Variants in TRIO observed in about 807,000 individuals in gnomAD.
TRIO encodes the protein triple functional domain protein.
TRIO carries 58 observed loss-of-function variants against 351.9 expected under a neutral mutation model. The observed-to-expected ratio is 0.16, with a 90% CI of 0.13 to 0.21. The LOEUF is 0.21. Ranked by LOEUF, TRIO falls within the 10% of genes least tolerant of loss-of-function variation. TRIO has a pLI of 1.00. For synonymous variants in TRIO, 1,758 were observed against 1,595.7 expected, an observed-to-expected ratio of 1.10 and a Z score of -2.42; for missense variants, 3,201 against 4,027.8, an observed-to-expected ratio of 0.79 and a Z score of 5.56.
At chr5:14,255,874 A>T (rs1794996156) in intron 1 of TRIO, among the ~76,000 whole-genome samples, 1 of 152,216 alleles carries the variant, frequency 6.6e-6, no homozygotes, top group Admixed American at 6.5e-5. Flanking sequence ...TTTTCTGATT[A>T]GAGGTGTTCA....
chr5:14,438,776 C>T (rs1193021042), intron 34 of TRIO, among the ~76,000 whole-genome samples: 4 of 152,376 alleles, frequency 2.6e-5, no homozygotes, highest in Middle Eastern at 3.4e-3. Flanking sequence ...TACTCACCTC[C>T]GCATTTCCGC....
At chr5:14,149,514 T>C (rs1581232453) in intron 1 of TRIO, among the ~76,000 whole-genome samples, 1 of 152,130 alleles carries the variant, frequency 6.6e-6, no homozygotes, top group East Asian at 1.9e-4. Flanking sequence ...ACTAATCACC[T>C]GCCCCCCGGG....
In TRIO at chr5:14,409,867, G is replaced by T. The variant is rs573963639; in HGVS notation, c.4959+3195G>T. ...AAAAAAAAAAAAGAAATCCCTGAAG[G>T]GTCTCTCCTGCCAGTTCCACCATTG... On this transcript the variant is annotated intron_variant, in intron 33 of 56. Transcript: ENST00000344204. 3.3e-5 allele frequency among the ~76,000 whole-genome samples: 5 copies of T among 151,824 alleles called. No homozygotes were observed. The East Asian group carries it at 9.7e-4, about 29-fold the overall frequency.
intron 40 of TRIO, among the ~76,000 whole-genome samples, chr5:14,475,834 C>CG (rs3840117): frequency 0.59 from 89,536 of 152,100 alleles, 27,241 homozygotes; most frequent in East Asian, 0.81. Flanking sequence ...GTCTGCGCAG[C>CG]GGGGATAGTA....
In TRIO at chr5:14,487,788, C is replaced by G; in HGVS notation, c.7160C>G (p.Pro2387Arg). ...PPPGAAPEAG[P>R]SAPSRRPPGA... ...CCTGGCGCGGCCCCCGAGGCCGGCC[C>G]CAGCGCGCCCAGCAGGCGGCCCCCC... is the stretch of plus-strand genomic sequence containing the variant. Residue 2387 changes from proline (P) to arginine (R), a missense_variant, in exon 48 of 57, where the codon CCC becomes CGC. Pro to Arg is a moderately radical substitution (Grantham distance 103). Transcript: ENST00000344204. 2.2e-6 allele frequency: 3 copies of G among 1,382,708 alleles called. No homozygotes were observed. The highest frequency in any genetic ancestry group is 1.9e-6 in the Non-Finnish European group (2 of 1,067,184). 85.7% of individuals were successfully genotyped at this position (1,382,708 alleles called of 1,614,324 possible). A position where few individuals can be genotyped will look rare whatever the true frequency, so the allele number is the denominator to read the frequency against.
intron 1 of TRIO, among the ~76,000 whole-genome samples, chr5:14,256,614 G>A (rs1337386951): frequency 1.3e-5 from 2 of 152,186 alleles, no homozygotes; most frequent in African/African-American, 4.8e-5. Context: ...CTATTTTGCT[G>A]AGACTTTCAT....
At chr5:14,314,592 T>C (rs528361195) in intron 8 of TRIO, among the ~76,000 whole-genome samples, 1 of 152,326 alleles carries the variant, frequency 6.6e-6, no homozygotes, top group South Asian at 2.1e-4. Flanking sequence ...ATGTTAAAAC[T>C]GGGCAAAAGA....
At chr5:14,178,650 GT>G in intron 1 of TRIO, among the ~76,000 whole-genome samples, 1 of 152,302 alleles carries the variant, frequency 6.6e-6, no homozygotes, top group Non-Finnish European at 1.5e-5. Context: ...ACTGACCATA[GT>G]TTCATAATTC....
At chr5:14,254,283 A>G (rs1794908723) in intron 1 of TRIO, among the ~76,000 whole-genome samples, 1 of 150,568 alleles carries the variant, frequency 6.6e-6, no homozygotes, top group Admixed American at 6.7e-5. Flanking sequence ...TCCCAGGTTC[A>G]AGCAATTCCC....
intron 1 of TRIO, among the ~76,000 whole-genome samples, chr5:14,145,286 A>G (rs1787440597): frequency 6.6e-6 from 1 of 152,172 alleles, no homozygotes; most frequent in Non-Finnish European, 1.5e-5. Context: ...TACCTGGTTT[A>G]GTACTGTCTT....
At chr5:14,482,822 C>A in intron 46 of TRIO, 49 bp downstream of exon 46, 1 of 1,392,726 alleles carries the variant, frequency 7.2e-7, no homozygotes, top group Non-Finnish European at 9.5e-7. Flanking sequence ...ATGTACCCGT[C>A]ACACCGATAC....
chr5:14,471,569 G>A lies in TRIO; in HGVS notation c.5912+103G>A, dbSNP rs997656426. On this transcript the variant is annotated intron_variant, in intron 38 of 56. Transcript: ENST00000344204. ...ATTCAGCTCTGAATTACCGAGATGA[G>A]AAGCTCCAGGGCCTCTCATTAAGTA... The A allele has an allele frequency of 1.3e-5, 20 of 1,485,802 alleles. No homozygotes were observed. In the African/African-American group the frequency reaches 1.5e-4, roughly 11 times the overall value. 92.0% of individuals were successfully genotyped at this position (1,485,802 alleles called of 1,614,324 possible).
At chr5:14,314,005 A>G (rs1278084154) in intron 8 of TRIO, among the ~76,000 whole-genome samples, 1 of 152,232 alleles carries the variant, frequency 6.6e-6, no homozygotes, top group East Asian at 1.9e-4. Flanking sequence ...TTTCTGGCAC[A>G]TGTTCACCAA....
chr5:14,402,894 G>A (rs1255219874), intron 31 of TRIO, among the ~76,000 whole-genome samples: 4 of 151,152 alleles, frequency 2.6e-5, no homozygotes, highest in Non-Finnish European at 4.4e-5. Flanking sequence ...GGGTTTAGGT[G>A]TTGATGGTGA....
chr5:14,504,722 T>C, intron 55 of TRIO, 129 bp downstream of exon 55: 1 of 1,181,966 alleles, frequency 8.5e-7, no homozygotes, highest in Non-Finnish European at 1.2e-6. Context: ...AAAAAACATC[T>C]TCACTGTCAG....
At position 14,363,843 on chromosome 5, in the gene TRIO, G is replaced by A. The variant is rs765357818; in HGVS notation, c.2503G>A (p.Ala835Thr). 6.2e-7 allele frequency: 1 copy of A among 1,614,096 alleles called. No individual in the cohort carries two copies. Residue 835 changes from alanine (A) to threonine (T), a missense_variant, in exon 14 of 57, where the codon GCC becomes ACC. Around this residue, in one of 19 missense-constraint regions of TRIO, gnomAD observed 363 missense variants for 553.5 expected, o/e 0.66. Coordinates refer to ENST00000344204, the MANE Select transcript of TRIO (RefSeq NM_007118.4). ...GCGCCTCCAGCACCATGCAGACAAA[G>A]CCTTGACCATGAACAACTTGACTTT... ...EQRLQHHADKALTMNNLTFDV... is the reference protein window; with the variant it reads ...EQRLQHHADKTLTMNNLTFDV...
At chr5:14,213,861 T>C (rs1199024809) in intron 1 of TRIO, among the ~76,000 whole-genome samples, 2 of 152,178 alleles carry the variant, frequency 1.3e-5, no homozygotes, top group Non-Finnish European at 2.9e-5. Context: ...AAAAAGACCA[T>C]GGTACTGGCC....
In TRIO at chr5:14,482,563, C is replaced by G; in HGVS notation, c.6466-19C>G. The G allele has an allele frequency of 1.4e-6, 2 of 1,424,992 alleles. No homozygotes were observed. Among genetic ancestry groups the G allele is most frequent in the Non-Finnish European group, 9.3e-7 (1 of 1,077,612 alleles). 88.3% of individuals were successfully genotyped at this position (1,424,992 alleles called of 1,614,324 possible). A position where few individuals can be genotyped will look rare whatever the true frequency, so the allele number is the denominator to read the frequency against. On this transcript the variant is annotated intron_variant, in intron 45 of 56. Transcript: ENST00000344204. ...GTTTTCTTCTCCCCTTCCTTTTCCC[C>G]CTTTATTTCTTGTTTTAGGGGAAAA...
chr5:14,163,375 A>G (rs868590245), intron 1 of TRIO, among the ~76,000 whole-genome samples: 12 of 152,132 alleles, frequency 7.9e-5, no homozygotes, highest in African/African-American at 2.9e-4. Flanking sequence ...GCTGCATAGT[A>G]TTCTATGGTG....
Sources: gnomAD v4.1 joint callset for allele counts (sites outside exome capture counted in the v4.1 genomes callset) on GRCh38, gnomAD v4.1.1 for gene constraint, gnomAD v4.1.1 regional missense constraint, MANE v1.5 for transcripts, NCBI Gene and HGNC (gene_info 2026-07-23, HGNC 2026-07-21) for gene names.